MTFR1: variants seen among roughly 807,000 people sequenced by gnomAD.
MTFR1 encodes mitochondrial fission regulator 1.
Under a neutral mutation model 38.8 loss-of-function variants are expected in MTFR1, and 28 were observed. The observed-to-expected ratio is 0.72, with a 90% CI of 0.53 to 0.99. The LOEUF (loss-of-function observed/expected upper bound fraction) is 0.99. Among genes scored for constraint, MTFR1 ranks in the 50% least tolerant of loss-of-function variants. The pLI is 0.00. For synonymous variants in MTFR1, 145 were observed against 137.0 expected, an observed-to-expected ratio of 1.06 and a Z score of -0.41; for missense variants, 358 against 395.5, an observed-to-expected ratio of 0.91 and a Z score of 0.81.
chr8:65,682,754 C>T (rs2129053635), intron 3 of MTFR1: 1 of 984,912 alleles, frequency 1.0e-6, no homozygotes, highest in Non-Finnish European at 1.2e-6. Flanking sequence ...TTATATTATT[C>T]CAGGTGCTTC....
chr8:65,676,586 A>T (rs2129052483), intron 2 of MTFR1, among the ~76,000 whole-genome samples: 1 of 151,948 alleles, frequency 6.6e-6, no homozygotes, highest in South Asian at 2.1e-4. Context: ...CTGGTCTCGA[A>T]CTCCTGACCT....
chr8:65,717,778 A>C (rs1378168856), intron 2 of MTFR1: 1 of 152,266 alleles, frequency 6.6e-6, no homozygotes, highest in Non-Finnish European at 1.5e-5. Context: ...CTTTACACTC[A>C]AGCTTTCTCC....
At chr8:65,757,925 G>C (rs1010907870) in intron 3 of MTFR1, among the ~76,000 whole-genome samples, 4 of 152,118 alleles carry the variant, frequency 2.6e-5, no homozygotes, top group African/African-American at 4.8e-5. Flanking sequence ...CCAACTCCAA[G>C]ACTTTTAATG....
chr8:65,729,497 A>T (rs1244366972), intron 3 of MTFR1, among the ~76,000 whole-genome samples: 1 of 151,392 alleles, frequency 6.6e-6, no homozygotes, highest in Non-Finnish European at 1.5e-5. Context: ...GGAGGAGAGC[A>T]GTTTAGTGAC....
At chr8:65,768,441 G>A (rs1050169281) in intron 3 of MTFR1, among the ~76,000 whole-genome samples, 1 of 152,104 alleles carries the variant, frequency 6.6e-6, no homozygotes, top group African/African-American at 2.4e-5. Context: ...TTTTAAAAAG[G>A]GGAGTTTCCC....
chr8:65,711,833 C>CTGA (rs544841360), downstream of MTFR1, among the ~76,000 whole-genome samples: 87 of 152,318 alleles, frequency 5.7e-4, no homozygotes, highest in African/African-American at 1.8e-3. Context: ...TGGAACTTCT[C>CTGA]TGATACATTC....
At chr8:65,648,330 A>G (rs1340191343) in intron 1 of MTFR1, among the ~76,000 whole-genome samples, 1 of 151,986 alleles carries the variant, frequency 6.6e-6, no homozygotes, top group Non-Finnish European at 1.5e-5. Context: ...TTGTTTCTTT[A>G]TTTGCAAGCA....
At chr8:65,713,481 C>CAA (rs1435378689), downstream of MTFR1, among the ~76,000 whole-genome samples, 1 of 129,690 alleles carries the variant, frequency 7.7e-6, no homozygotes, top group African/African-American at 2.7e-5. Context: ...CACACACACA[C>CAA]ACAAACAAAA....
intron 4 of MTFR1, among the ~76,000 whole-genome samples, chr8:65,699,547 T>C (rs1162554777): frequency 6.6e-6 from 1 of 152,202 alleles, no homozygotes; most frequent in Non-Finnish European, 1.5e-5. Flanking sequence ...TTATGTCCTT[T>C]GTCTCTGGAG....
At chr8:65,774,993 G>C (rs1234470305), downstream of MTFR1, among the ~76,000 whole-genome samples, 1 of 152,102 alleles carries the variant, frequency 6.6e-6, no homozygotes, top group Non-Finnish European at 1.5e-5. Flanking sequence ...AAGTACTGCT[G>C]GATTAATTTA....
chr8:65,656,289 G>A (rs1457848123), intron 1 of MTFR1, among the ~76,000 whole-genome samples: 1 of 151,804 alleles, frequency 6.6e-6, no homozygotes, highest in Non-Finnish European at 1.5e-5. Flanking sequence ...GCATAGGAAG[G>A]ACATAGTCTC....
chr8:65,683,132 CTTTTTTTTTT>C (rs748824241), intron 3 of MTFR1, among the ~76,000 whole-genome samples: 1 of 121,686 alleles, frequency 8.2e-6, no homozygotes, highest in African/African-American at 3.2e-5. Flanking sequence ...TTCTTTCTTT[CTTTTTTTTTT>C]TTTTTTTTTG....
intron 3 of MTFR1, among the ~76,000 whole-genome samples, chr8:65,752,678 A>G (rs1808022371): frequency 6.6e-6 from 1 of 152,210 alleles, no homozygotes. Context: ...CAATATACAA[A>G]TTTAAATCTT....
chr8:65,696,123 C>T (rs1479246232), intron 4 of MTFR1, among the ~76,000 whole-genome samples: 2 of 152,026 alleles, frequency 1.3e-5, no homozygotes, highest in Non-Finnish European at 2.9e-5. Context: ...TTTTGTTTTT[C>T]AGTTGGAAGA....
At chr8:65,747,625 A>G in intron 3 of MTFR1, 1 of 1,476,118 alleles carries the variant, frequency 6.8e-7, no homozygotes, top group Non-Finnish European at 9.3e-7. Flanking sequence ...CAAAAAATTA[A>G]TGTTTTCTTA....
At chr8:65,743,077 T>C (rs556978401) in intron 3 of MTFR1, among the ~76,000 whole-genome samples, 185 of 152,344 alleles carry the variant, frequency 1.2e-3, no homozygotes, top group African/African-American at 4.3e-3. Context: ...CAATCAACTA[T>C]TTCAATGAGT....
intron 1 of MTFR1, among the ~76,000 whole-genome samples, chr8:65,664,521 A>G (rs1804315389): frequency 1.3e-5 from 2 of 151,958 alleles, no homozygotes; most frequent in South Asian, 4.1e-4. Context: ...AAAGGTATAT[A>G]CATATATAAA....
At chr8:65,660,405 G>C (rs984062679) in intron 1 of MTFR1, among the ~76,000 whole-genome samples, 1 of 151,914 alleles carries the variant, frequency 6.6e-6, no homozygotes, top group African/African-American at 2.4e-5. Flanking sequence ...CACTACTGCT[G>C]TGTATTTGTG....
At chr8:65,770,751 G>A (rs1026485511) in intron 3 of MTFR1, among the ~76,000 whole-genome samples, 1 of 152,186 alleles carries the variant, frequency 6.6e-6, no homozygotes, top group Non-Finnish European at 1.5e-5. Flanking sequence ...AAGTTTAAAG[G>A]TGATACATAT....
Sources: allele counts gnomAD v4.1 joint callset (sites outside exome capture counted in the v4.1 genomes callset), GRCh38; gene constraint gnomAD v4.1.1; transcripts MANE v1.5; gene names NCBI Gene and HGNC (gene_info 2026-07-23, HGNC 2026-07-21).